CD44: variants seen among roughly 807,000 people sequenced by gnomAD.
The protein encoded by CD44 is CD44 antigen.
A neutral mutation model predicts 88.8 loss-of-function variants in CD44; 49 were observed. The ratio of observed to expected loss-of-function variants is 0.55; its 90% CI spans 0.44 to 0.70. CD44 has a LOEUF of 0.70. Ranked by LOEUF, CD44 falls within the 30% of genes least tolerant of loss-of-function variation. The probability of loss-of-function intolerance (pLI) is 0.00; values close to 1 mark genes in which losing one functional copy is unlikely to be tolerated. For synonymous variants in CD44, 325 were observed against 312.3 expected (o/e 1.04, Z -0.43); for missense variants, 883 against 913.8 (o/e 0.97, Z 0.43).
intron 7 of CD44, among the ~76,000 whole-genome samples, chr11:35,198,750 G>A (rs1038326558): frequency 5.9e-5 from 9 of 151,976 alleles, no homozygotes; most frequent in Admixed American, 1.3e-4. Context: ...AGGCCGAGGC[G>A]GGCAGATGAC....
intron 16 of CD44, among the ~76,000 whole-genome samples, chr11:35,220,051 T>C (rs895870702): frequency 6.6e-6 from 1 of 152,128 alleles, no homozygotes. Flanking sequence ...AAGGGAAGGG[T>C]TCTCCTAAGG....
At chr11:35,186,624 A>G (rs917355038) in intron 3 of CD44, among the ~76,000 whole-genome samples, 2 of 152,218 alleles carry the variant, frequency 1.3e-5, no homozygotes. Flanking sequence ...CGGAAACTTC[A>G]TAAGTTCCAG....
At chr11:35,184,314 G>T (rs114377346) in intron 3 of CD44, among the ~76,000 whole-genome samples, 1 of 152,246 alleles carries the variant, frequency 6.6e-6, no homozygotes, top group African/African-American at 2.4e-5. Context: ...ACTGTCTTAG[G>T]GTTTGTGACA....
intron 11 of CD44, among the ~76,000 whole-genome samples, chr11:35,207,269 T>C (rs1003409734): frequency 3.3e-5 from 5 of 152,240 alleles, no homozygotes; most frequent in Non-Finnish European, 7.3e-5. Flanking sequence ...AGTGCAGACC[T>C]GGGTACCCAG....
chr11:35,180,192 G>A, intron 2 of CD44, 82 bp from the exon 3 acceptor site: 8 of 1,376,682 alleles, frequency 5.8e-6, no homozygotes, highest in Non-Finnish European at 8.2e-6. Flanking sequence ...GTGTTGCACG[G>A]CATTAAATGT....
intron 5 of CD44, among the ~76,000 whole-genome samples, chr11:35,195,242 CTA>C (rs1354841688): frequency 6.6e-6 from 1 of 152,192 alleles, no homozygotes; most frequent in Non-Finnish European, 1.5e-5. Flanking sequence ...TTCAAAATAA[CTA>C]GGCATTCTTT....
chr11:35,144,787 T>C (rs1858785925), intron 1 of CD44, among the ~76,000 whole-genome samples: 1 of 152,242 alleles, frequency 6.6e-6, no homozygotes, highest in African/African-American at 2.4e-5. Flanking sequence ...TTTCCACAAA[T>C]AAATACATGA....
At chr11:35,177,882 G>A (rs1341661469) in intron 2 of CD44, among the ~76,000 whole-genome samples, 1 of 152,186 alleles carries the variant, frequency 6.6e-6, no homozygotes, top group Non-Finnish European at 1.5e-5. Flanking sequence ...TAAGTGCTCG[G>A]TTAGTCACCG....
At chr11:35,217,356 G>T (rs78894979) in intron 15 of CD44, among the ~76,000 whole-genome samples, 14 of 122,426 alleles carry the variant, frequency 1.1e-4, no homozygotes, top group Admixed American at 6.5e-4. Flanking sequence ...AGTCAGAAAA[G>T]AAAAAAAAAA....
chr11:35,186,722 T>C, intron 3 of CD44, 110 bp from the exon 4 acceptor site: 1 of 629,882 alleles, frequency 1.6e-6, no homozygotes, highest in Non-Finnish European at 2.9e-6. Context: ...AAAAAGAAAG[T>C]TATTTGGAAT....
At chr11:35,220,892 G>C (rs1181834666) in intron 16 of CD44, among the ~76,000 whole-genome samples, 1 of 150,480 alleles carries the variant, frequency 6.6e-6, no homozygotes, top group Non-Finnish European at 1.5e-5. Context: ...TCAGCCTCCT[G>C]AGTAGCTGAG....
intron 1 of CD44, among the ~76,000 whole-genome samples, chr11:35,153,985 C>T (rs1365484032): frequency 6.6e-6 from 1 of 152,160 alleles, no homozygotes; most frequent in African/African-American, 2.4e-5. Flanking sequence ...ATCATGTCTG[C>T]CCTGTAATAG....
At chr11:35,176,015 C>A (rs1944418846) in intron 1 of CD44, among the ~76,000 whole-genome samples, 1 of 148,652 alleles carries the variant, frequency 6.7e-6, no homozygotes, top group Non-Finnish European at 1.5e-5. Flanking sequence ...CAGGCATGTG[C>A]CACCACACCT....
chr11:35,164,648 C>T (rs573381041), intron 1 of CD44, among the ~76,000 whole-genome samples: 8 of 151,964 alleles, frequency 5.3e-5, no homozygotes, highest in African/African-American at 1.9e-4. Context: ...ACTATTTACC[C>T]AGCCCAGTCT....
chr11:35,201,189 A>T lies in CD44; in HGVS notation c.1030A>T (p.Met344Leu), dbSNP rs747414676. The T allele has an allele frequency of 2.5e-5, 40 of 1,596,826 alleles. 2 individuals carry two copies. The South Asian group carries it at 4.3e-4, about 17-fold the overall frequency. The change falls in exon 8 of 18, where the codon ATG (methionine) becomes TTG (leucine). Residue 344 changes from methionine to leucine, a missense_variant. By Grantham distance (15) the Met-to-Leu change is conservative. Around this residue, in one of 2 missense-constraint regions of CD44, gnomAD observed 631 missense variants for 590.9 expected, o/e 1.07. Transcript: ENST00000428726. ...PEVLLQTTTRMTDVDRNGTTA... is the reference protein window; with the variant it reads ...PEVLLQTTTRLTDVDRNGTTA... ...AGTGCTACTTCAGACAACCACAAGGATGACTGGTAATGGGTTCTGCATATT... is the reference window on the plus strand; with the variant it reads ...AGTGCTACTTCAGACAACCACAAGGTTGACTGGTAATGGGTTCTGCATATT...
At chr11:35,222,427 G>C (rs1415385960) in intron 17 of CD44, 1 of 1,295,128 alleles carries the variant, frequency 7.7e-7, no homozygotes, top group Non-Finnish European at 1.0e-6. Context: ...TCGTCTTCTT[G>C]CTGTTAGGAG....
intron 1 of CD44, among the ~76,000 whole-genome samples, chr11:35,160,066 T>C (rs353644): frequency 0.55 from 83,108 of 152,080 alleles, 24,254 homozygotes; most frequent in African/African-American, 0.76. Context: ...TCCAAGGCCA[T>C]CAAAGATCAA....
chr11:35,201,627 T>C lies in CD44; in HGVS notation c.1037-44T>C. On this transcript the variant is annotated intron_variant, in intron 8 of 17. Transcript: ENST00000428726. ...ATGGAAGAATAGAATCATTAAAGAT[T>C]GGTTGATAACAAGTCACAGTGTATT... is the stretch of plus-strand genomic sequence containing the variant. The C allele has an allele frequency of 4.4e-6, 7 of 1,608,898 alleles. No homozygotes were observed. The South Asian group carries it at 6.6e-5, about 15-fold the overall frequency.
chr11:35,169,855 C>A (rs1943686593), intron 1 of CD44, among the ~76,000 whole-genome samples: 1 of 152,150 alleles, frequency 6.6e-6, no homozygotes, highest in South Asian at 2.1e-4. Context: ...GTACCTGTAA[C>A]CAGGAGCCTG....
Sources: allele counts gnomAD v4.1 joint callset (sites outside exome capture counted in the v4.1 genomes callset), GRCh38; gene constraint gnomAD v4.1.1; regional missense constraint gnomAD v4.1.1; transcripts MANE v1.5; gene names NCBI Gene and HGNC (gene_info 2026-07-23, HGNC 2026-07-21).